The following PDZRN4 variants were observed in gnomAD, a reference collection of about 807,000 sequenced individuals.
PDZRN4 encodes the protein PDZ domain-containing RING finger protein 4.
Under a neutral mutation model 99.0 loss-of-function variants are expected in PDZRN4, and 70 were observed. The ratio of observed to expected loss-of-function variants is 0.71; its 90% CI spans 0.58 to 0.86. The LOEUF is 0.86. PDZRN4 is among the 40% of genes least tolerant of loss of function. PDZRN4 has a pLI of 0.00. For synonymous variants in PDZRN4, 551 were observed against 501.6 expected, an observed-to-expected ratio of 1.10 and a Z score of -1.32; for missense variants, 1,474 against 1,331.2, an observed-to-expected ratio of 1.11 and a Z score of -1.67.
intron 3 of PDZRN4, among the ~76,000 whole-genome samples, chr12:41,244,826 A>T (rs1438382031): frequency 6.8e-6 from 1 of 147,584 alleles, no homozygotes; most frequent in Non-Finnish European, 1.5e-5. Flanking sequence ...CTGGGACTAC[A>T]GGCGCCCGCC....
intron 3 of PDZRN4, among the ~76,000 whole-genome samples, chr12:41,469,885 A>G (rs557453739): frequency 1.3e-4 from 20 of 152,256 alleles, no homozygotes; most frequent in Non-Finnish European, 2.6e-4. Flanking sequence ...AGCAGAGATC[A>G]CGCCACTGCA....
At chr12:41,494,545 A>G (rs1261731036) in intron 3 of PDZRN4, among the ~76,000 whole-genome samples, 1 of 152,078 alleles carries the variant, frequency 6.6e-6, no homozygotes, top group African/African-American at 2.4e-5. Context: ...CAACTATTCT[A>G]TAGAAAATAG....
At chr12:41,201,414 T>C (rs1287332331) in intron 3 of PDZRN4, among the ~76,000 whole-genome samples, 1 of 152,080 alleles carries the variant, frequency 6.6e-6, no homozygotes, top group Non-Finnish European at 1.5e-5. Context: ...CATAGCATTT[T>C]CTTGTATTAT....
chr12:41,311,617 G>A (rs1426029163), intron 3 of PDZRN4, among the ~76,000 whole-genome samples: 1 of 152,138 alleles, frequency 6.6e-6, no homozygotes, highest in African/African-American at 2.4e-5. Context: ...CCAAATTTCT[G>A]CCTACTCTTA....
chr12:41,545,509 ATGTG>A (rs61040270), intron 5 of PDZRN4, among the ~76,000 whole-genome samples: 22,606 of 142,824 alleles, frequency 0.16, 1,918 homozygotes, highest in East Asian at 0.24. Flanking sequence ...GATGATATTA[ATGTG>A]TGTGTGTGTG....
intron 3 of PDZRN4, among the ~76,000 whole-genome samples, chr12:41,372,146 A>G (rs942738700): frequency 7.2e-5 from 7 of 97,382 alleles, no homozygotes; most frequent in East Asian, 6.2e-4. Flanking sequence ...TTAAAGGGGG[A>G]AAAAAAAGAA....
chr12:41,528,005 G>A (rs1389958126), intron 5 of PDZRN4, among the ~76,000 whole-genome samples: 1 of 152,172 alleles, frequency 6.6e-6, no homozygotes, highest in East Asian at 1.9e-4. Context: ...CAACTGAAGA[G>A]TTTCAATAGC....
chr12:41,470,986 A>T (rs1220750276), intron 3 of PDZRN4, among the ~76,000 whole-genome samples: 1 of 152,236 alleles, frequency 6.6e-6, no homozygotes, highest in Non-Finnish European at 1.5e-5. Context: ...ACAAATATGT[A>T]ATAACACACA....
At chr12:41,326,260 G>A (rs1245755674) in intron 3 of PDZRN4, among the ~76,000 whole-genome samples, 1 of 152,034 alleles carries the variant, frequency 6.6e-6, no homozygotes, top group African/African-American at 2.4e-5. Flanking sequence ...TTACAGGCAT[G>A]AGCCACCATG....
At chr12:41,465,079 C>T (rs944953476) in intron 3 of PDZRN4, among the ~76,000 whole-genome samples, 2 of 152,130 alleles carry the variant, frequency 1.3e-5, no homozygotes, top group Non-Finnish European at 2.9e-5. Flanking sequence ...CCCACCTTGG[C>T]CTCCCAAAGT....
At chr12:41,345,809 GAT>G (rs1156336494) in intron 3 of PDZRN4, among the ~76,000 whole-genome samples, 4 of 152,006 alleles carry the variant, frequency 2.6e-5, no homozygotes, top group African/African-American at 9.7e-5. Flanking sequence ...AAAACTGAAA[GAT>G]AAACTTCTGC....
intron 3 of PDZRN4, among the ~76,000 whole-genome samples, chr12:41,504,841 A>G (rs1257414234): frequency 6.6e-6 from 1 of 152,176 alleles, no homozygotes; most frequent in Non-Finnish European, 1.5e-5. Context: ...ATGTGTTCAC[A>G]CTGGTAAACA....
chr12:41,491,805 C>T (rs1436005082), intron 3 of PDZRN4, among the ~76,000 whole-genome samples: 2 of 152,172 alleles, frequency 1.3e-5, no homozygotes, highest in African/African-American at 4.8e-5. Context: ...ATAAGAGCTA[C>T]TTCTGATCAT....
At chr12:41,559,005 G>A (rs1939218616) in intron 7 of PDZRN4, among the ~76,000 whole-genome samples, 1 of 152,148 alleles carries the variant, frequency 6.6e-6, no homozygotes. Flanking sequence ...TTTCTTGGAT[G>A]ACTTTTATTT....
At chr12:41,410,907 C>G (rs1340016846) in intron 3 of PDZRN4, among the ~76,000 whole-genome samples, 2 of 152,102 alleles carry the variant, frequency 1.3e-5, no homozygotes, top group Non-Finnish European at 2.9e-5. Context: ...CAGAGTTTTA[C>G]TGTGTCACTC....
intron 3 of PDZRN4, among the ~76,000 whole-genome samples, chr12:41,452,116 C>G (rs1173331753): frequency 7.0e-6 from 1 of 142,756 alleles, no homozygotes. Context: ...GAATAAGAGA[C>G]AAAAAAAAAA....
chr12:41,502,382 C>T (rs1309212033), intron 3 of PDZRN4, among the ~76,000 whole-genome samples: 1 of 152,088 alleles, frequency 6.6e-6, no homozygotes, highest in Non-Finnish European at 1.5e-5. Flanking sequence ...ATATAACAAC[C>T]GTTTTGGAAA....
intron 3 of PDZRN4, among the ~76,000 whole-genome samples, chr12:41,242,652 C>A (rs1951108352): frequency 6.6e-6 from 1 of 151,688 alleles, no homozygotes; most frequent in Non-Finnish European, 1.5e-5. Flanking sequence ...CACACACACA[C>A]AAAGTTGATT....
At chr12:41,351,223 A>G (rs962321144) in intron 3 of PDZRN4, among the ~76,000 whole-genome samples, 2 of 152,132 alleles carry the variant, frequency 1.3e-5, no homozygotes, top group Non-Finnish European at 2.9e-5. Context: ...CAGAAATTCC[A>G]GAGGAATATT....
Sources: gnomAD v4.1 joint callset for allele counts (sites outside exome capture counted in the v4.1 genomes callset) on GRCh38, gnomAD v4.1.1 for gene constraint, MANE v1.5 for transcripts, NCBI Gene and HGNC (gene_info 2026-07-23, HGNC 2026-07-21) for gene names.